STYXL1: variants seen among roughly 807,000 people sequenced by gnomAD.
STYXL1 encodes serine/threonine/tyrosine-interacting-like protein 1.
Under a neutral mutation model 36.4 loss-of-function variants are expected in STYXL1, and 32 were observed. That is an observed-to-expected ratio of 0.88 (90% CI 0.66 to 1.18). The LOEUF (loss-of-function observed/expected upper bound fraction) is 1.18. STYXL1 is among the 50% of genes most tolerant of loss of function. The probability of loss-of-function intolerance (pLI) is 0.00; values close to 1 mark genes in which losing one functional copy is unlikely to be tolerated. For synonymous variants in STYXL1, 133 were observed against 144.1 expected, an observed-to-expected ratio of 0.92 and a Z score of 0.55; for missense variants, 354 against 394.1, an observed-to-expected ratio of 0.90 and a Z score of 0.86.
At chr7:76,016,925 A>G (rs1163938095) in intron 4 of STYXL1, among the ~76,000 whole-genome samples, 1 of 152,208 alleles carries the variant, frequency 6.6e-6, no homozygotes, top group African/African-American at 2.4e-5. Flanking sequence ...CCAAAAGGAT[A>G]CCTGCACCCA....
chr7:76,043,860 T>G (rs1299905728), intron 1 of STYXL1: 1 of 152,224 alleles, frequency 6.6e-6, no homozygotes, highest in Non-Finnish European at 1.5e-5. Flanking sequence ...GAGAAGCAGC[T>G]TTACCTTTGA....
At chr7:76,006,665 G>C (rs1791803061) in intron 5 of STYXL1, among the ~76,000 whole-genome samples, 1 of 151,806 alleles carries the variant, frequency 6.6e-6, no homozygotes, top group African/African-American at 2.4e-5. Flanking sequence ...TTGGGAGGCT[G>C]AGGCAGGAGA....
chr7:76,027,688 G>GA (rs1218394726), intron 3 of STYXL1, among the ~76,000 whole-genome samples: 2 of 151,892 alleles, frequency 1.3e-5, no homozygotes, highest in Non-Finnish European at 1.5e-5. Flanking sequence ...CATAAAAACA[G>GA]AAAAAATAAT....
intron 5 of STYXL1, among the ~76,000 whole-genome samples, chr7:76,008,837 C>G (rs1222019150): frequency 2.0e-5 from 3 of 152,096 alleles, no homozygotes; most frequent in African/African-American, 7.2e-5. Flanking sequence ...GAAACCCCAT[C>G]TCTACTAAAA....
rs147927544 is a variant in STYXL1, at chr7:76,036,245, T to G, written c.-4-5718A>C. ...CTTCCTGAGTAGCTAGGATTACAGG[T>G]GCCCACCACCACGTCCAGTTAATTT... On this transcript the variant is annotated intron_variant, in intron 1 of 8. Transcript: ENST00000359697. 1.5e-3 allele frequency among the ~76,000 whole-genome samples: 231 copies of G among 149,974 alleles called. 11 individuals are homozygous for G. In the Middle Eastern group the frequency reaches 0.022, roughly 14 times the overall value.
intron 5 of STYXL1, among the ~76,000 whole-genome samples, chr7:76,008,463 C>T (rs1792099733): frequency 6.6e-6 from 1 of 152,110 alleles, no homozygotes; most frequent in Non-Finnish European, 1.5e-5. Flanking sequence ...CAGCACATCT[C>T]ACTCCCTTCC....
At chr7:76,018,579 T>C (rs1343313828) in intron 4 of STYXL1, among the ~76,000 whole-genome samples, 1 of 152,076 alleles carries the variant, frequency 6.6e-6, no homozygotes, top group African/African-American at 2.4e-5. Flanking sequence ...TTAATAGAGA[T>C]GGGGTTTCAC....
intron 1 of STYXL1, among the ~76,000 whole-genome samples, chr7:76,031,647 G>A (rs972434158): frequency 7.9e-5 from 12 of 151,158 alleles, no homozygotes; most frequent in South Asian, 4.2e-4. Flanking sequence ...CCCGGGAGGC[G>A]GAGGTTGAAG....
chr7:76,023,708 C>A (rs1196787851), intron 3 of STYXL1, among the ~76,000 whole-genome samples: 1 of 151,852 alleles, frequency 6.6e-6, no homozygotes, highest in Non-Finnish European at 1.5e-5. Context: ...GCCTGGGTGA[C>A]AGCAAGACTT....
At chr7:75,998,288 A>C (rs1554564878) in intron 8 of STYXL1, among the ~76,000 whole-genome samples, 2 of 128,370 alleles carry the variant, frequency 1.6e-5, no homozygotes, top group African/African-American at 5.9e-5. Context: ...ACCCTTACCT[A>C]TATGGTCAAG....
At chr7:76,029,850 G>T (rs551120838) in intron 2 of STYXL1, among the ~76,000 whole-genome samples, 1 of 152,280 alleles carries the variant, frequency 6.6e-6, no homozygotes, top group Non-Finnish European at 1.5e-5. Context: ...TGGAGCTCAG[G>T]CGGTAATGCA....
At chr7:76,046,258 T>G in intron 1 of STYXL1, among the ~76,000 whole-genome samples, 1 of 147,888 alleles carries the variant, frequency 6.8e-6, no homozygotes, top group African/African-American at 2.5e-5. Flanking sequence ...TCTTCCAGCA[T>G]GTCTCAGCTT....
intron 4 of STYXL1, among the ~76,000 whole-genome samples, chr7:76,014,171 C>T (rs1792964549): frequency 6.6e-6 from 1 of 151,794 alleles, no homozygotes; most frequent in Admixed American, 6.6e-5. Flanking sequence ...GACAGGGTTT[C>T]ACCATGTTTG....
At chr7:76,027,562 A>T (rs892144294) in intron 3 of STYXL1, among the ~76,000 whole-genome samples, 17 of 151,770 alleles carry the variant, frequency 1.1e-4, no homozygotes, top group African/African-American at 3.9e-4. Flanking sequence ...AGTTCAAGCC[A>T]TGATTGTGCC....
intron 8 of STYXL1, among the ~76,000 whole-genome samples, chr7:75,998,291 T>C (rs1790384616): frequency 8.9e-6 from 1 of 111,742 alleles, no homozygotes; most frequent in African/African-American, 3.5e-5. Context: ...CTTACCTATA[T>C]GGTCAAGCAA....
chr7:76,004,573 C>T (rs1791415613), intron 6 of STYXL1, among the ~76,000 whole-genome samples: 1 of 152,126 alleles, frequency 6.6e-6, no homozygotes, highest in Non-Finnish European at 1.5e-5. Context: ...GGTATGATGG[C>T]ACACACCTTT....
chr7:76,044,059 T>G (rs922240464), intron 1 of STYXL1: 7 of 152,204 alleles, frequency 4.6e-5, no homozygotes, highest in African/African-American at 1.7e-4. Flanking sequence ...GTAAAATCAA[T>G]GCCTACCACA....
intron 3 of STYXL1, among the ~76,000 whole-genome samples, chr7:76,025,200 G>A (rs1794548621): frequency 6.6e-6 from 1 of 150,420 alleles, no homozygotes; most frequent in South Asian, 2.1e-4. Flanking sequence ...GGAATGCCCT[G>A]AAGGCCTCAA....
intron 7 of STYXL1, 30 bp downstream of exon 7, chr7:76,003,728 G>C: frequency 6.2e-7 from 1 of 1,607,166 alleles, no homozygotes; most frequent in Non-Finnish European, 8.5e-7. Context: ...ACACAGGCCA[G>C]TTGCTACCCG....
Sources: allele counts gnomAD v4.1 joint callset (sites outside exome capture counted in the v4.1 genomes callset), GRCh38; gene constraint gnomAD v4.1.1; transcripts MANE v1.5; gene names NCBI Gene and HGNC (gene_info 2026-07-23, HGNC 2026-07-21).